The following IP6K1 variants were observed in gnomAD, a reference collection of about 807,000 sequenced individuals.
IP6K1 encodes ATP:1D-myo-inositol-hexakisphosphate phosphotransferase.
IP6K1 carries 13 observed loss-of-function variants against 38.3 expected under a neutral mutation model. That is an observed-to-expected ratio of 0.34 (90% CI 0.22 to 0.54). IP6K1 has a LOEUF of 0.54. Among genes scored for constraint, IP6K1 ranks in the 20% least tolerant of loss-of-function variants. The pLI, the probability that IP6K1 is intolerant of heterozygous loss-of-function variation, is 0.92. For synonymous variants in IP6K1, 212 were observed against 229.9 expected, an observed-to-expected ratio of 0.92 and a Z score of 0.70; for missense variants, 397 against 599.8, an observed-to-expected ratio of 0.66 and a Z score of 3.53.
intron 1 of IP6K1, among the ~76,000 whole-genome samples, chr3:49,749,877 ATAC>A (rs1334092036): frequency 2.1e-5 from 3 of 145,868 alleles, no homozygotes; most frequent in Non-Finnish European, 3.0e-5. Flanking sequence ...AAGTCTAGGA[ATAC>A]TACCTGGGAC....
chr3:49,729,038 C>T (rs1298747301), intron 4 of IP6K1, among the ~76,000 whole-genome samples: 1 of 151,480 alleles, frequency 6.6e-6, no homozygotes, highest in African/African-American at 2.4e-5. Flanking sequence ...ACTGCAACCT[C>T]TGTCTCAGGG....
At chr3:49,757,683 A>G (rs2080836047) in intron 1 of IP6K1, among the ~76,000 whole-genome samples, 1 of 152,064 alleles carries the variant, frequency 6.6e-6, no homozygotes, top group East Asian at 1.9e-4. Flanking sequence ...TTGCGCCACT[A>G]CACTCCAGCC....
intron 1 of IP6K1, among the ~76,000 whole-genome samples, chr3:49,757,846 T>A (rs1330608087): frequency 2.0e-5 from 3 of 152,194 alleles, no homozygotes; most frequent in Admixed American, 2.0e-4. Flanking sequence ...TCATCTTAGG[T>A]ACAAATCTAC....
At chr3:49,732,573 T>C (rs1373737414) in intron 4 of IP6K1, among the ~76,000 whole-genome samples, 1 of 152,162 alleles carries the variant, frequency 6.6e-6, no homozygotes, top group African/African-American at 2.4e-5. Context: ...GACAACACTG[T>C]TCTAGACTGC....
At chr3:49,768,840 G>A (rs531298932) in intron 1 of IP6K1, among the ~76,000 whole-genome samples, 1 of 152,244 alleles carries the variant, frequency 6.6e-6, no homozygotes, top group African/African-American at 2.4e-5. Context: ...CAAGGGGCTG[G>A]GGGAGGTGAG....
At chr3:49,754,926 CT>C (rs11391839) in intron 1 of IP6K1, among the ~76,000 whole-genome samples, 69 of 144,374 alleles carry the variant, frequency 4.8e-4, no homozygotes, top group Non-Finnish European at 4.7e-4. Context: ...GATATGCAAT[CT>C]TTTTTTTTTT....
chr3:49,761,464 A>C (rs2080867528), intron 1 of IP6K1, among the ~76,000 whole-genome samples: 1 of 151,528 alleles, frequency 6.6e-6, no homozygotes, highest in African/African-American at 2.4e-5. Context: ...AATACAAAAA[A>C]TTAGCCGGGC....
chr3:49,764,059 T>G (rs2080888357), intron 1 of IP6K1, among the ~76,000 whole-genome samples: 1 of 151,922 alleles, frequency 6.6e-6, no homozygotes, highest in Non-Finnish European at 1.5e-5. Flanking sequence ...GAAGGAAACT[T>G]CTTCCTCACT....
rs773336102 is a variant in IP6K1, at chr3:49,728,115, G to C, written c.780C>G (p.Val260=). 8.1e-6 allele frequency: 13 copies of C among 1,613,568 alleles called. No homozygotes were observed. The East Asian group carries it at 1.1e-4, about 14-fold the overall frequency. Residue 260 remains valine (V), a synonymous_variant, in exon 5 of 6, where the codon GTC becomes GTG. Transcript: ENST00000321599. The part of the protein sequence containing the change: ...QSTSATLGVR[V]CGMQVYQLDT... ...AGAGGTAACTCACCTGCATGCCGCA[G>C]ACCCTGACGCCCAGCGTGGCTGATG...
chr3:49,730,593 C>A (rs1029360354), intron 4 of IP6K1, among the ~76,000 whole-genome samples: 5 of 152,186 alleles, frequency 3.3e-5, no homozygotes, highest in Admixed American at 6.5e-5. Flanking sequence ...TTTGCCCAGG[C>A]TGGAGTGCAG....
In IP6K1 at chr3:49,781,602, G is replaced by A. The variant is rs560327374; in HGVS notation, c.-129+4752C>T. On this transcript the variant is annotated intron_variant, in intron 1 of 5. Transcript: ENST00000321599. ...CCATGAGAGGATTTGTGCAGAGAAA[G>A]AGTATGTATGGAATGTTTAGCAAAC... Among the ~76,000 whole-genome samples, 11 of 152,304 alleles carry A rather than the reference G, an allele frequency of 7.2e-5. No individual in the cohort carries two copies. The South Asian group carries it at 1.2e-3, about 17-fold the overall frequency.
intron 1 of IP6K1, among the ~76,000 whole-genome samples, chr3:49,769,454 T>C (rs985138447): frequency 6.6e-6 from 1 of 152,152 alleles, no homozygotes; most frequent in Non-Finnish European, 1.5e-5. Flanking sequence ...CAGGCCCATA[T>C]CTACAGAGTC....
chr3:49,738,276 G>A lies in IP6K1; in HGVS notation c.370C>T (p.Arg124Trp), dbSNP rs746238797. Residue 124 changes from arginine to tryptophan, a missense_variant, in exon 3 of 6, where the codon CGG becomes TGG. Arg to Trp is a moderately radical substitution (Grantham distance 101, BLOSUM62 -3). Coordinates refer to ENST00000321599, the MANE Select transcript of IP6K1 (RefSeq NM_153273.4). Reference protein sequence around the residue: ...RRKHSRRSLHRSGSGSDHKEE... With the variant: ...RRKHSRRSLHWSGSGSDHKEE... ...TTGTGGTCACTGCCACTGCCTGACC[G>A]GTGCAGGCTCCGGCGGGAGTGTTTG... The A allele has an allele frequency of 1.7e-5, 27 of 1,614,102 alleles. No individual in the cohort carries two copies. The highest frequency in any genetic ancestry group is 3.3e-5 in the Admixed American group (2 of 60,008).
Position 49,747,774 on chromosome 3 carries a change from T to C in IP6K1, c.223+44A>G, listed in dbSNP as rs774650947. The C allele has an allele frequency of 7.4e-6, 12 of 1,611,590 alleles. No individual in the cohort carries two copies. In the Admixed American group the frequency reaches 8.4e-5, roughly 11 times the overall value. ...AGAAAAAACTGTGGCAAGGGGTCTA[T>C]AAGCCCAAGGCTGCTGCTTTCATTA... On this transcript the variant is annotated intron_variant, in intron 2 of 5. Transcript: ENST00000321599.
At chr3:49,757,177 G>A (rs528812017) in intron 1 of IP6K1, among the ~76,000 whole-genome samples, 3 of 152,364 alleles carry the variant, frequency 2.0e-5, no homozygotes, top group South Asian at 4.1e-4. Context: ...AAGCTGAAGA[G>A]AGAAGCTTCC....
At chr3:49,748,275 T>G in intron 1 of IP6K1, 107 bp from the exon 2 acceptor site, 3 of 559,726 alleles carry the variant, frequency 5.4e-6, no homozygotes, top group Non-Finnish European at 9.6e-6. Flanking sequence ...CCCTACTATG[T>G]GTATCCCTAG....
At chr3:49,751,402 C>A (rs1189994468) in intron 1 of IP6K1, among the ~76,000 whole-genome samples, 2 of 152,050 alleles carry the variant, frequency 1.3e-5, no homozygotes, top group Non-Finnish European at 2.9e-5. Context: ...CCTCATGATC[C>A]ACCCACCTCA....
At chr3:49,765,654 A>G (rs1200703308) in intron 1 of IP6K1, among the ~76,000 whole-genome samples, 2 of 151,624 alleles carry the variant, frequency 1.3e-5, no homozygotes, top group African/African-American at 4.8e-5. Context: ...TTAAAAAAAA[A>G]AAAAAAAAAA....
At chr3:49,743,933 G>A (rs985527894) in intron 2 of IP6K1, among the ~76,000 whole-genome samples, 1 of 151,822 alleles carries the variant, frequency 6.6e-6, no homozygotes, top group Non-Finnish European at 1.5e-5. Context: ...CCATGGTTTC[G>A]AGGCTGCAGT....
Sources: allele counts gnomAD v4.1 joint callset (sites outside exome capture counted in the v4.1 genomes callset), GRCh38; gene constraint gnomAD v4.1.1; transcripts MANE v1.5; gene names NCBI Gene and HGNC (gene_info 2026-07-23, HGNC 2026-07-21).